ZC3H14: variants seen among roughly 807,000 people sequenced by gnomAD.
ZC3H14 encodes zinc finger CCCH-type containing 14.
Under a neutral mutation model 92.4 loss-of-function variants are expected in ZC3H14, and 31 were observed. The observed-to-expected ratio is 0.34, with a 90% CI of 0.25 to 0.45. The LOEUF (loss-of-function observed/expected upper bound fraction) is 0.45. ZC3H14 is among the 20% of genes least tolerant of loss of function. The pLI is 1.00. For missense variants in ZC3H14, 781 were observed against 897.3 expected, an observed-to-expected ratio of 0.87 and a Z score of 1.66; for synonymous variants, 321 against 300.9, an observed-to-expected ratio of 1.07 and a Z score of -0.69.
intron 12 of ZC3H14, among the ~76,000 whole-genome samples, chr14:88,605,630 T>C (rs1349469796): frequency 6.6e-6 from 1 of 152,206 alleles, no homozygotes; most frequent in Non-Finnish European, 1.5e-5. Flanking sequence ...CACCACATCC[T>C]ATTTAAAGCT....
intron 4 of ZC3H14, among the ~76,000 whole-genome samples, chr14:88,571,468 T>C (rs1476220680): frequency 6.6e-6 from 1 of 152,182 alleles, no homozygotes; most frequent in East Asian, 1.9e-4. Context: ...TGGAATAATA[T>C]TTAACTATTA....
chr14:88,591,101 T>C (rs2083069279), intron 9 of ZC3H14: 1 of 152,228 alleles, frequency 6.6e-6, no homozygotes, highest in Non-Finnish European at 1.5e-5. Context: ...ATATGTATTT[T>C]ACTTACGTAC....
chr14:88,564,866 A>G (rs749562505), intron 2 of ZC3H14, among the ~76,000 whole-genome samples: 5 of 152,228 alleles, frequency 3.3e-5, no homozygotes, highest in Non-Finnish European at 7.3e-5. Context: ...GAGGAAAATC[A>G]TTTTAGTTGA....
chr14:88,613,248 T>G lies in ZC3H14; in HGVS notation c.*1497T>G, dbSNP rs988924697. ...GTGCATAAGGCTGTTGTCTTCGGCT[T>G]GGGTGAAATGACAGTTCCTCTTCAT... On this transcript the variant is annotated 3_prime_UTR_variant, in exon 17 of 17. Transcript: ENST00000251038. 6 of 152,202 alleles carry G rather than the reference T, an allele frequency of 3.9e-5. No homozygotes were observed. The highest frequency in any genetic ancestry group is 1.4e-4 in the African/African-American group (6 of 41,456). The allele number at this position is 152,202 out of a possible 1,614,324, so 9.4% of individuals were successfully genotyped here.
intron 9 of ZC3H14, chr14:88,590,247 T>C (rs774382419): frequency 2.0e-5 from 3 of 152,370 alleles, no homozygotes; most frequent in Non-Finnish European, 4.4e-5. Context: ...CTTCAGTCCA[T>C]CCCACACAGC....
At chr14:88,584,925 T>C (rs543248543) in intron 9 of ZC3H14, among the ~76,000 whole-genome samples, 1 of 151,400 alleles carries the variant, frequency 6.6e-6, no homozygotes, top group East Asian at 1.9e-4. Flanking sequence ...TCTGGATAAA[T>C]GAATTTAACA....
chr14:88,577,909 A>C, intron 8 of ZC3H14, 76 bp from the exon 9 acceptor site: 1 of 1,575,518 alleles, frequency 6.3e-7, no homozygotes, highest in Non-Finnish European at 8.7e-7. Context: ...ATTTATATTT[A>C]ATATGACATA....
chr14:88,572,490 T>G, intron 5 of ZC3H14, 88 bp from the exon 6 acceptor site: 1 of 1,530,088 alleles, frequency 6.5e-7, no homozygotes, highest in South Asian at 1.2e-5. Context: ...AGTTTTTTCA[T>G]TGAAATTTTT....
In ZC3H14 at chr14:88,627,013, T is replaced by C; in HGVS notation, c.*15262T>C. The C allele has an allele frequency of 6.2e-7, 1 of 1,613,906 alleles. No homozygotes were observed. The highest frequency in any genetic ancestry group is 1.1e-5 in the South Asian group (1 of 91,060). ...TCGGAATTCTGCCACAAAAATACGTTGATTGTGACCAGCTCTGCTGGCAAT... is the reference window on the plus strand; with the variant it reads ...TCGGAATTCTGCCACAAAAATACGTCGATTGTGACCAGCTCTGCTGGCAAT... On this transcript the variant is annotated 3_prime_UTR_variant, in exon 17 of 17. Coordinates refer to ENST00000251038, the MANE Select transcript of ZC3H14 (RefSeq NM_024824.5).
chr14:88,583,789 G>A (rs1230838589), intron 9 of ZC3H14, among the ~76,000 whole-genome samples: 2 of 152,266 alleles, frequency 1.3e-5, no homozygotes, highest in East Asian at 3.9e-4. Context: ...ACTAATTATT[G>A]GATGGGGAAT....
chr14:88,621,062 C>T lies in ZC3H14; in HGVS notation c.*9311C>T, dbSNP rs551079251. 1 of 1,547,786 alleles carries T rather than the reference C, an allele frequency of 6.5e-7. No individual in the cohort carries two copies. Among genetic ancestry groups the T allele is most frequent in the Admixed American group, 2.1e-5 (1 of 47,638 alleles). ...AGTACTAGCAATTTAGAACTTCCAA[C>T]TTTTCTTTTTAGAAGTTGTAACCTC... is the stretch of plus-strand genomic sequence containing the variant. On this transcript the variant is annotated 3_prime_UTR_variant, in exon 17 of 17. Coordinates refer to ENST00000251038, the MANE Select transcript of ZC3H14 (RefSeq NM_024824.5).
At chr14:88,601,848 T>G in intron 10 of ZC3H14, 76 bp from the exon 11 acceptor site, 7 of 1,527,848 alleles carry the variant, frequency 4.6e-6, no homozygotes, top group Non-Finnish European at 6.3e-6. Flanking sequence ...AGATTGACAT[T>G]CTTCTCACAT....
intron 9 of ZC3H14, 95 bp from the exon 10 acceptor site, chr14:88,596,639 T>G: frequency 1.9e-6 from 2 of 1,058,392 alleles, no homozygotes; most frequent in South Asian, 2.6e-5. Flanking sequence ...TTTTAAGACT[T>G]CAAGTTAAGA....
At chr14:88,578,265 TGAG>T in intron 9 of ZC3H14, 125 bp downstream of exon 9, 1 of 1,361,282 alleles carries the variant, frequency 7.3e-7, no homozygotes, top group East Asian at 2.5e-5. Context: ...AGAAATAGAA[TGAG>T]AAGAATACCA....
chr14:88,580,393 G>C (rs2081757134), intron 9 of ZC3H14, among the ~76,000 whole-genome samples: 1 of 152,224 alleles, frequency 6.6e-6, no homozygotes, highest in African/African-American at 2.4e-5. Context: ...AGCAATTTGG[G>C]AGGCCAAGGC....
intron 6 of ZC3H14, 183 bp from the exon 7 acceptor site, chr14:88,574,510 T>G (rs1197144894): frequency 1.3e-5 from 9 of 698,672 alleles, no homozygotes; most frequent in Non-Finnish European, 1.9e-5. Context: ...TCCAAAGTGC[T>G]AGGATTACAG....
chr14:88,627,129 G>T lies in ZC3H14; in HGVS notation c.*15378G>T. The stretch of plus-strand genomic sequence containing the variant: ...ATCAAACAAATATGTAAAATACATA[G>T]TTCAAAAAACAAAGGCTTAGAAGAG... On this transcript the variant is annotated 3_prime_UTR_variant, in exon 17 of 17. Transcript: ENST00000251038. The T allele has an allele frequency of 7.0e-7, 1 of 1,426,504 alleles. No individual in the cohort carries two copies. The highest frequency in any genetic ancestry group is 9.8e-7 in the Non-Finnish European group (1 of 1,025,166). 88.4% of individuals were successfully genotyped at this position (1,426,504 alleles called of 1,614,324 possible). A position where few individuals can be genotyped will look rare whatever the true frequency, so the allele number is the denominator to read the frequency against.
At chr14:88,598,287 T>A (rs1300631209) in intron 10 of ZC3H14, among the ~76,000 whole-genome samples, 1 of 152,130 alleles carries the variant, frequency 6.6e-6, no homozygotes, top group Non-Finnish European at 1.5e-5. Context: ...GCCTGTCTGG[T>A]TTGTGGGCAC....
chr14:88,618,444 T>TA lies in ZC3H14; in HGVS notation c.*6695dup. On this transcript the variant is annotated 3_prime_UTR_variant, in exon 17 of 17. Transcript: ENST00000251038. The stretch of plus-strand genomic sequence containing the variant: ...ACTTGATTTACATGTCTAACATTAT[T>TA]AAGTATGCAAAAGATCACTACAAAA... 4 of 1,124,460 alleles carry TA rather than the reference T, an allele frequency of 3.6e-6. No homozygotes were observed. The highest frequency in any genetic ancestry group is 5.1e-6 in the Non-Finnish European group (4 of 777,012). 69.7% of individuals were successfully genotyped at this position (1,124,460 alleles called of 1,614,324 possible).
Sources: allele counts gnomAD v4.1 joint callset (sites outside exome capture counted in the v4.1 genomes callset), GRCh38; gene constraint gnomAD v4.1.1; transcripts MANE v1.5; gene names NCBI Gene and HGNC (gene_info 2026-07-23, HGNC 2026-07-21).